The following FCGR2A variants were observed in gnomAD, a reference collection of about 807,000 sequenced individuals.
The protein encoded by FCGR2A is Fc gamma receptor IIa, also known as low affinity immunoglobulin gamma Fc region receptor II-a.
A neutral mutation model predicts 29.3 loss-of-function variants in FCGR2A; 18 were observed. The ratio of observed to expected loss-of-function variants is 0.62; its 90% CI spans 0.43 to 0.91. FCGR2A has a LOEUF of 0.91. FCGR2A is among the 40% of genes least tolerant of loss of function. The pLI, the probability that FCGR2A is intolerant of heterozygous loss-of-function variation, is 0.00. For synonymous variants in FCGR2A, 126 were observed against 144.8 expected (o/e 0.87, Z 0.93); for missense variants, 287 against 393.0 (o/e 0.73, Z 2.28).
chr1:161,520,478 A>G (rs1055238610), downstream of FCGR2A, among the ~76,000 whole-genome samples: 15 of 151,944 alleles, frequency 9.9e-5, no homozygotes, highest in Non-Finnish European at 1.5e-4. Context: ...ACAGATGGGG[A>G]TTATGAGGAT....
At chr1:161,516,706 T>G (rs1676171972) in intron 6 of FCGR2A, among the ~76,000 whole-genome samples, 1 of 151,392 alleles carries the variant, frequency 6.6e-6, no homozygotes, top group Non-Finnish European at 1.5e-5. Flanking sequence ...AGATTATATT[T>G]TAGTAGAAAA....
At chr1:161,516,679 T>C (rs1230796979) in intron 6 of FCGR2A, among the ~76,000 whole-genome samples, 2 of 151,872 alleles carry the variant, frequency 1.3e-5, no homozygotes, top group Admixed American at 1.3e-4. Context: ...TAAAAATATT[T>C]TTCTCCAGAA....
intron 1 of FCGR2A, chr1:161,505,757 C>G (rs557847840): frequency 1.4e-6 from 1 of 709,246 alleles, no homozygotes; most frequent in African/African-American, 1.8e-5. Context: ...AAAGTCCATT[C>G]TGCACCAAAC....
intron 3 of FCGR2A, among the ~76,000 whole-genome samples, chr1:161,507,611 C>T (rs750776496): frequency 1.3e-5 from 2 of 152,154 alleles, no homozygotes; most frequent in Non-Finnish European, 2.9e-5. Flanking sequence ...TGCTGCTGTA[C>T]CAGAGAGATC....
At chr1:161,520,164 A>C (rs1260765889), downstream of FCGR2A, among the ~76,000 whole-genome samples, 2 of 152,058 alleles carry the variant, frequency 1.3e-5, no homozygotes, top group African/African-American at 2.4e-5. Flanking sequence ...GTCTCTATGT[A>C]TTAGTCTGTT....
intron 6 of FCGR2A, among the ~76,000 whole-genome samples, chr1:161,515,983 A>G (rs1252179198): frequency 6.6e-6 from 1 of 152,168 alleles, no homozygotes; most frequent in East Asian, 1.9e-4. Context: ...ATATTTTCTC[A>G]GAAGAAAAGA....
chr1:161,509,120 G>A (rs575642071), intron 3 of FCGR2A, among the ~76,000 whole-genome samples: 2 of 152,190 alleles, frequency 1.3e-5, no homozygotes, highest in South Asian at 2.1e-4. Context: ...GAGCTCAAAG[G>A]CCTCTTCCGC....
chr1:161,511,116 G>A (rs1391298305), intron 5 of FCGR2A, among the ~76,000 whole-genome samples, 160 bp downstream of exon 5: 1 of 152,198 alleles, frequency 6.6e-6, no homozygotes, highest in East Asian at 1.9e-4. Context: ...CTCAACAAGA[G>A]CACTAATAGG....
intron 3 of FCGR2A, among the ~76,000 whole-genome samples, chr1:161,507,238 T>G (rs4657040): frequency 6.7e-6 from 1 of 150,136 alleles, no homozygotes; most frequent in Non-Finnish European, 1.5e-5. Flanking sequence ...CTTTTTTTTT[T>G]CCCCCAAGTA....
At chr1:161,515,196 T>TA (rs541871181) in intron 6 of FCGR2A, among the ~76,000 whole-genome samples, 3 of 152,170 alleles carry the variant, frequency 2.0e-5, no homozygotes, top group Non-Finnish European at 2.9e-5. Context: ...AAGAATGATT[T>TA]AAAAAAATAG....
intron 3 of FCGR2A, among the ~76,000 whole-genome samples, chr1:161,507,274 A>G (rs1024183778): frequency 1.9e-4 from 29 of 152,172 alleles, no homozygotes; most frequent in African/African-American, 7.0e-4. Context: ...ACACACCACC[A>G]TGCCAAGTGA....
chr1:161,520,832 TA>T (rs2102495935), downstream of FCGR2A, among the ~76,000 whole-genome samples: 1 of 152,214 alleles, frequency 6.6e-6, no homozygotes, highest in African/African-American at 2.4e-5. Context: ...GTGGTTGGAG[TA>T]AAGGCTAGAG....
chr1:161,511,729 T>A (rs28384253), intron 5 of FCGR2A, among the ~76,000 whole-genome samples: 2,917 of 152,266 alleles, frequency 0.019, 109 homozygotes, highest in African/African-American at 0.065. Flanking sequence ...CAGGCCCCAC[T>A]GCCTAATCCT....
At position 161,518,903 on chromosome 1, in the gene FCGR2A, A is replaced by C. The variant is rs1676313705; in HGVS notation, c.*755A>C. 7.2e-6 allele frequency: 2 copies of C among 276,820 alleles called. No individual in the cohort carries two copies. Among genetic ancestry groups the C allele is most frequent in the South Asian group, 4.9e-5 (1 of 20,352 alleles). The allele number at this position is 276,820 out of a possible 1,614,324, so 17.1% of individuals were successfully genotyped here. A position where few individuals can be genotyped will look rare whatever the true frequency, so the allele number is the denominator to read the frequency against. On this transcript the variant is annotated 3_prime_UTR_variant, in exon 7 of 7. Coordinates refer to ENST00000271450, the MANE Select transcript of FCGR2A (RefSeq NM_001136219.3). The stretch of plus-strand genomic sequence containing the variant: ...CTCCCAAAGTGCTGGGATGACCAGC[A>C]TCAGCCCCAATGTCCAGCCTCTTTA...
At chr1:161,508,555 C>T (rs998952546) in intron 3 of FCGR2A, among the ~76,000 whole-genome samples, 1 of 150,060 alleles carries the variant, frequency 6.7e-6, no homozygotes, top group Non-Finnish European at 1.5e-5. Context: ...CCATTCCACT[C>T]CAGCCTGGGC....
At chr1:161,522,727 CT>C (rs1479589797), downstream of FCGR2A, 1 of 152,128 alleles carries the variant, frequency 6.6e-6, no homozygotes, top group Non-Finnish European at 1.5e-5. Flanking sequence ...TGATTTTCCA[CT>C]GTGTAAGTCA....
At chr1:161,521,866 G>A (rs1012793075), downstream of FCGR2A, among the ~76,000 whole-genome samples, 1 of 152,144 alleles carries the variant, frequency 6.6e-6, no homozygotes, top group Non-Finnish European at 1.5e-5. Flanking sequence ...GTCTTTATTA[G>A]CAGTGTGAGA....
intron 2 of FCGR2A, 72 bp downstream of exon 2, chr1:161,506,079 CG>C: frequency 2.0e-6 from 3 of 1,493,376 alleles, no homozygotes; most frequent in Non-Finnish European, 2.8e-6. Context: ...TTTGCTGGGG[CG>C]GCGGGGGGGT....
Position 161,509,918 on chromosome 1 carries a change from A to C in FCGR2A, c.463A>C (p.Thr155Pro), listed in dbSNP as rs145979252. Residue 155 changes from threonine (T) to proline (P), a missense_variant, in exon 4 of 7, where the codon ACA (threonine) becomes CCA (proline). Thr to Pro is a conservative substitution (Grantham distance 38). This residue lies in a region of FCGR2A where 181 missense variants were observed against 250.9 expected (regional missense o/e 0.72). Coordinates refer to ENST00000271450, the MANE Select transcript of FCGR2A (RefSeq NM_001136219.3). Reference protein sequence around the residue: ...SWKDKPLVKVTFFQNGKSQKF... With the variant: ...SWKDKPLVKVPFFQNGKSQKF... ...GAAGGACAAGCCTCTGGTCAAGGTC[A>C]CATTCTTCCAGAATGGAAAATCCCA... 6.2e-7 allele frequency: 1 copy of C among 1,614,176 alleles called. No homozygotes were observed. The highest frequency in any genetic ancestry group is 8.5e-7 in the Non-Finnish European group (1 of 1,180,008).
Sources: allele counts gnomAD v4.1 joint callset (sites outside exome capture counted in the v4.1 genomes callset), GRCh38; gene constraint gnomAD v4.1.1; regional missense constraint gnomAD v4.1.1; transcripts MANE v1.5; gene names NCBI Gene and HGNC (gene_info 2026-07-23, HGNC 2026-07-21).